The following SNX18 variants were observed in gnomAD, a reference collection of about 807,000 sequenced individuals.
SNX18 encodes sorting nexin 18, also known as sorting nexin-18.
A neutral mutation model predicts 48.7 loss-of-function variants in SNX18; 35 were observed. The ratio of observed to expected loss-of-function variants is 0.72; its 90% confidence interval spans 0.55 to 0.95. The LOEUF (loss-of-function observed/expected upper bound fraction) is 0.95. Ranked by LOEUF, SNX18 falls within the 40% of genes least tolerant of loss-of-function variation. The pLI, the probability that SNX18 is intolerant of heterozygous loss-of-function variation, is 0.00. For synonymous variants in SNX18, 492 were observed against 384.7 expected (o/e 1.28, Z -3.26); for missense variants, 824 against 871.0 (o/e 0.95, Z 0.68).
the SNX18 span, among the ~76,000 whole-genome samples, chr5:54,598,031 A>G: frequency 6.6e-6 from 1 of 152,176 alleles, no homozygotes; most frequent in African/African-American, 2.4e-5. Flanking sequence ...AGAATCAAAT[A>G]GACACAATAA....
chr5:54,518,017 G>T lies in SNX18; in HGVS notation c.65G>T (p.Arg22Leu). ...RSENPGEISL[R>L]EHEVLSLCSE... The stretch of plus-strand genomic sequence containing the variant: ...GAGAACCCAGGAGAGATCTCGCTGC[G>T]AGAGCACGAGGTGCTGAGCCTGTGC... The change falls in exon 1 of 2, where the codon CGA becomes CTA. Residue 22 changes from arginine to leucine, a missense_variant. Physicochemically the swap from Arg to Leu is moderately radical, Grantham distance 102. Transcript: ENST00000381410. 1 of 1,548,606 alleles carries T rather than the reference G, an allele frequency of 6.5e-7. No individual in the cohort carries two copies. The highest frequency in any genetic ancestry group is 8.7e-7 in the Non-Finnish European group (1 of 1,150,296).
chr5:54,548,940 C>T (rs982921825), downstream of SNX18, among the ~76,000 whole-genome samples: 1 of 152,198 alleles, frequency 6.6e-6, no homozygotes, highest in Non-Finnish European at 1.5e-5. Flanking sequence ...TGCACGTTCT[C>T]CTGTATACTT....
At chr5:54,635,926 G>A in the SNX18 span, among the ~76,000 whole-genome samples, 10,384 of 152,212 alleles carry the variant, frequency 0.068, 422 homozygotes, top group East Asian at 0.16. Flanking sequence ...ATCATGTGCA[G>A]TGGAAACCTG....
At chr5:54,553,062 G>A in the SNX18 span, among the ~76,000 whole-genome samples, 1 of 151,860 alleles carries the variant, frequency 6.6e-6, no homozygotes, top group African/African-American at 2.4e-5. Context: ...TGGGAGAAGG[G>A]TGGGAGGGGA....
At position 54,536,279 on chromosome 5, in the gene SNX18, G is replaced by A. The variant is rs578164436; in HGVS notation, c.1622-6900G>A. ...AAGTTCTAGGGTACATGTGCACAGC[G>A]TGCAGGTTTGTTACATATGTATACA... On this transcript the variant is annotated intron_variant, in intron 1 of 1. Transcript: ENST00000381410. Among the ~76,000 whole-genome samples, 14 of 151,952 alleles carry A rather than the reference G, an allele frequency of 9.2e-5. No homozygotes were observed. In the South Asian group the frequency reaches 2.3e-3, roughly 25 times the overall value.
the SNX18 span, among the ~76,000 whole-genome samples, chr5:54,577,132 C>T: frequency 4.4e-3 from 665 of 152,224 alleles, 4 homozygotes; most frequent in African/African-American, 0.015. Context: ...TAAGTGAGGA[C>T]TGGATTTTGA....
the SNX18 span, chr5:54,645,729 G>A: frequency 1.3e-5 from 2 of 152,224 alleles, no homozygotes; most frequent in Non-Finnish European, 2.9e-5. Flanking sequence ...ACACCGAATA[G>A]AGAGTGAATT....
chr5:54,556,624 T>C, the SNX18 span, among the ~76,000 whole-genome samples: 1 of 152,158 alleles, frequency 6.6e-6, no homozygotes, highest in African/African-American at 2.4e-5. Context: ...TATTCACAGA[T>C]TCTTGGGTTC....
the SNX18 span, among the ~76,000 whole-genome samples, chr5:54,604,544 T>C: frequency 6.6e-6 from 1 of 152,206 alleles, no homozygotes; most frequent in Non-Finnish European, 1.5e-5. Flanking sequence ...ATTCCACTGA[T>C]ATGAGGTAAT....
At chr5:54,595,585 CTAATT>C in the SNX18 span, among the ~76,000 whole-genome samples, 1 of 152,184 alleles carries the variant, frequency 6.6e-6, no homozygotes, top group South Asian at 2.1e-4. Flanking sequence ...AGTGGCTAAA[CTAATT>C]TACATTCCCA....
chr5:54,578,551 A>T, the SNX18 span, among the ~76,000 whole-genome samples: 1 of 152,342 alleles, frequency 6.6e-6, no homozygotes. Context: ...TCATGAAGAC[A>T]GAGGAGCAGA....
At chr5:54,561,103 C>T in the SNX18 span, among the ~76,000 whole-genome samples, 1 of 152,208 alleles carries the variant, frequency 6.6e-6, no homozygotes, top group Non-Finnish European at 1.5e-5. Context: ...AGGGCAATGT[C>T]ATGATCTCGG....
Position 54,545,806 on chromosome 5 carries a change from G to T in SNX18, c.*2374G>T, listed in dbSNP as rs1434447109. 1.3e-5 allele frequency: 2 copies of T among 152,128 alleles called. No individual in the cohort carries two copies. The highest frequency in any genetic ancestry group is 3.8e-4 in the East Asian group (2 of 5,196). 9.4% of individuals were successfully genotyped at this position (152,128 alleles called of 1,614,324 possible). ...CCCAAGAGAAAAGCCATTATCATGT[G>T]TATGCTGGTCATCATGATCAGTGTG... is the stretch of plus-strand genomic sequence containing the variant. On this transcript the variant is annotated 3_prime_UTR_variant, in exon 2 of 2. Coordinates refer to ENST00000381410, the MANE Select transcript of SNX18 (RefSeq NM_001102575.2).
the SNX18 span, among the ~76,000 whole-genome samples, chr5:54,554,590 C>T: frequency 3.9e-5 from 6 of 152,158 alleles, no homozygotes; most frequent in Non-Finnish European, 5.9e-5. Context: ...GAACACATGG[C>T]CTGTAATGAA....
At chr5:54,573,644 G>A in the SNX18 span, among the ~76,000 whole-genome samples, 15 of 152,112 alleles carry the variant, frequency 9.9e-5, no homozygotes, top group Non-Finnish European at 2.1e-4. Context: ...GAGGGCTGTC[G>A]GGTGTCAGGC....
chr5:54,534,790 C>G (rs952593847), intron 1 of SNX18, among the ~76,000 whole-genome samples: 3 of 151,972 alleles, frequency 2.0e-5, no homozygotes, highest in African/African-American at 7.3e-5. Context: ...TAGTGCAGTG[C>G]AAGTACATCT....
chr5:54,587,171 A>T, the SNX18 span, among the ~76,000 whole-genome samples: 1 of 152,114 alleles, frequency 6.6e-6, no homozygotes, highest in Non-Finnish European at 1.5e-5. Flanking sequence ...AAATCTGAGA[A>T]TCCATTCAAG....
At chr5:54,557,329 C>A in the SNX18 span, among the ~76,000 whole-genome samples, 5 of 152,180 alleles carry the variant, frequency 3.3e-5, no homozygotes, top group Admixed American at 1.3e-4. Flanking sequence ...TCCATTGCAA[C>A]TTATGTGATT....
At chr5:54,638,513 G>C in the SNX18 span, among the ~76,000 whole-genome samples, 12 of 144,226 alleles carry the variant, frequency 8.3e-5, no homozygotes, top group Admixed American at 8.3e-4. Flanking sequence ...AAATTTTTTG[G>C]TGAAGAATTT....
Sources: allele counts gnomAD v4.1 joint callset (sites outside exome capture counted in the v4.1 genomes callset), GRCh38; gene constraint gnomAD v4.1.1; transcripts MANE v1.5; gene names NCBI Gene and HGNC (gene_info 2026-07-23, HGNC 2026-07-21).